SLC28A1: variants seen among roughly 807,000 people sequenced by gnomAD.
SLC28A1 encodes the protein solute carrier family 28 member 1.
Under a neutral mutation model 74.8 loss-of-function variants are expected in SLC28A1, and 64 were observed. The observed-to-expected ratio is 0.86, with a 90% CI of 0.70 to 1.05. The LOEUF (loss-of-function observed/expected upper bound fraction) is 1.05. SLC28A1 is among the 50% of genes least tolerant of loss of function. The pLI is 0.00. For missense variants in SLC28A1, 828 were observed against 822.8 expected (o/e 1.01, Z -0.08); for synonymous variants, 359 against 335.0 (o/e 1.07, Z -0.78).
chr15:84,909,317 A>G (rs2141827893), intron 9 of SLC28A1, among the ~76,000 whole-genome samples: 1 of 152,214 alleles, frequency 6.6e-6, no homozygotes, highest in African/African-American at 2.4e-5. Context: ...TCCTCAACCT[A>G]CGATCCCACT....
At chr15:84,899,650 T>A (rs1283401684) in intron 6 of SLC28A1, among the ~76,000 whole-genome samples, 2 of 152,076 alleles carry the variant, frequency 1.3e-5, no homozygotes, top group African/African-American at 4.8e-5. Flanking sequence ...ACCAGTGAAA[T>A]GTATTTCAAA....
At chr15:84,959,397 G>T in the SLC28A1 span, among the ~76,000 whole-genome samples, 1 of 152,006 alleles carries the variant, frequency 6.6e-6, no homozygotes, top group Non-Finnish European at 1.5e-5. Flanking sequence ...GAGCCACCAT[G>T]ACCAGTCAGG....
At chr15:84,886,993 G>A (rs532070742) in intron 2 of SLC28A1, among the ~76,000 whole-genome samples, 15 of 152,224 alleles carry the variant, frequency 9.9e-5, no homozygotes, top group Non-Finnish European at 2.1e-4. Context: ...GAGAGGAGGT[G>A]TTAGTTACCA....
chr15:84,955,001 T>C, the SLC28A1 span, among the ~76,000 whole-genome samples: 1 of 152,242 alleles, frequency 6.6e-6, no homozygotes, highest in South Asian at 2.1e-4. Flanking sequence ...CTCTTAGCAC[T>C]CTGACCCACC....
chr15:84,920,870 A>AGGGGTCCTACACTGGGCT, intron 10 of SLC28A1, 119 bp from the exon 11 acceptor site: 1 of 797,092 alleles, frequency 1.3e-6, no homozygotes, highest in East Asian at 2.4e-5. Context: ...ATGTAGATGA[A>AGGGGTCCTACACTGGGCT]GGGGTCCTAC....
the SLC28A1 span, among the ~76,000 whole-genome samples, chr15:84,963,094 G>T: frequency 2.6e-5 from 4 of 152,186 alleles, no homozygotes; most frequent in African/African-American, 9.7e-5. Context: ...ATGGGGGAGG[G>T]AGACTCAACG....
At chr15:84,915,929 CTGTTGT>C (rs71466061) in intron 9 of SLC28A1, among the ~76,000 whole-genome samples, 14 of 149,402 alleles carry the variant, frequency 9.4e-5, no homozygotes, top group South Asian at 4.4e-4. Flanking sequence ...CCACCTCAAC[CTGTTGT>C]TGTTGTTGTT....
rs1969420548 is a variant in SLC28A1 at position 84,918,594 on chromosome 15, T to C, written c.866T>C (p.Val289Ala). Residue 289 changes from valine to alanine, a missense_variant, in exon 10 of 19, where the codon GTG becomes GCG. This residue lies in a region of SLC28A1 where 767 missense variants were observed against 753.5 expected (regional missense o/e 1.02). Coordinates refer to ENST00000394573, the MANE Select transcript of SLC28A1 (RefSeq NM_004213.5). Reference protein sequence around the residue: ...VLYHVGLMQWVILKIAWLMQV... With the variant: ...VLYHVGLMQWAILKIAWLMQV... ...TACCACGTGGGCCTCATGCAGTGGGTGATCCTGAAGGTAAGTTCCCAGTGC... is the reference window on the plus strand; with the variant it reads ...TACCACGTGGGCCTCATGCAGTGGGCGATCCTGAAGGTAAGTTCCCAGTGC... 2 of 1,612,512 alleles carry C rather than the reference T, an allele frequency of 1.2e-6. No individual in the cohort carries two copies. The highest frequency in any genetic ancestry group is 2.2e-5 in the South Asian group (2 of 91,062).
At chr15:84,970,652 A>G in the SLC28A1 span, among the ~76,000 whole-genome samples, 1 of 151,934 alleles carries the variant, frequency 6.6e-6, no homozygotes, top group Non-Finnish European at 1.5e-5. Context: ...GCCTAGAGCA[A>G]CTCGAGCATG....
intron 12 of SLC28A1, 57 bp from the exon 13 acceptor site, chr15:84,933,088 T>C: frequency 6.2e-7 from 1 of 1,603,968 alleles, no homozygotes; most frequent in South Asian, 1.1e-5. Flanking sequence ...CCGCACTCCT[T>C]GGTCGCCAGC....
intron 3 of SLC28A1, 138 bp downstream of exon 3, chr15:84,887,994 AC>A: frequency 1.5e-6 from 1 of 683,652 alleles, no homozygotes; most frequent in Admixed American, 2.2e-5. Context: ...CTTTGCTGGC[AC>A]AGTTATGAAC....
In SLC28A1 at chr15:84,944,751, T is replaced by A. The variant is rs775026223; in HGVS notation, c.1763-5T>A. On this transcript the variant is annotated splice_region_variant and splice_polypyrimidine_tract_variant and intron_variant, in intron 17 of 18. Coordinates refer to ENST00000394573, the MANE Select transcript of SLC28A1 (RefSeq NM_004213.5). ...CCTGCCCCACCCACCACTTTCCCTC[T>A]ACAGGGATCCTCTACATGCCCAGGG... is the stretch of plus-strand genomic sequence containing the variant. The A allele has an allele frequency of 3.1e-6, 5 of 1,611,972 alleles. No homozygotes were observed. Among genetic ancestry groups the A allele is most frequent in the Non-Finnish European group, 3.4e-6 (4 of 1,178,224 alleles).
chr15:84,886,966 G>A (rs907236604), intron 2 of SLC28A1, among the ~76,000 whole-genome samples, 179 bp downstream of exon 2: 1 of 152,192 alleles, frequency 6.6e-6, no homozygotes, highest in Admixed American at 6.5e-5. Flanking sequence ...AAAAAGGAGC[G>A]GGAACAAGAG....
chr15:84,974,301 A>G, the SLC28A1 span, among the ~76,000 whole-genome samples: 7 of 152,274 alleles, frequency 4.6e-5, no homozygotes, highest in South Asian at 1.5e-3. Context: ...TTGGCTCCTC[A>G]GTTTCCCATA....
intron 5 of SLC28A1, among the ~76,000 whole-genome samples, chr15:84,894,349 G>A (rs1427304733): frequency 7.2e-6 from 1 of 139,104 alleles, no homozygotes; most frequent in Non-Finnish European, 1.5e-5. Context: ...TCCAGCCTGG[G>A]CAACAAAGTG....
chr15:84,917,833 G>A (rs1969328693), intron 9 of SLC28A1, among the ~76,000 whole-genome samples: 1 of 152,070 alleles, frequency 6.6e-6, no homozygotes, highest in South Asian at 2.1e-4. Context: ...GAAAGACTAG[G>A]GTGCAGAAAA....
intron 10 of SLC28A1, 129 bp downstream of exon 10, chr15:84,918,733 T>C: frequency 1.3e-6 from 1 of 775,234 alleles, no homozygotes; most frequent in South Asian, 1.4e-5. Flanking sequence ...GCCCACACCC[T>C]TCCAGAGTCC....
In SLC28A1 at chr15:84,887,766, G is replaced by C. The variant is rs1964768059; in HGVS notation, c.6G>C (p.Glu2Asp). The change falls in exon 3 of 19, where the codon GAG becomes GAC. Residue 2 changes from glutamate to aspartate, a missense_variant. By Grantham distance (45) the Glu-to-Asp change is conservative. This residue lies in a region of SLC28A1 where 767 missense variants were observed against 753.5 expected (regional missense o/e 1.02). Transcript: ENST00000394573. The stretch of plus-strand genomic sequence containing the variant: ...TCAGCTGGAAGGTCTGGGACATGGA[G>C]AACGACCCCTCGAGACGAAGAGAGT... M[E>D]NDPSRRRESI... 1.2e-6 allele frequency: 2 copies of C among 1,613,884 alleles called. No individual in the cohort carries two copies. Among genetic ancestry groups the C allele is most frequent in the South Asian group, 2.2e-5 (2 of 91,070 alleles).
chr15:84,961,423 C>T, the SLC28A1 span: 2 of 437,010 alleles, frequency 4.6e-6, no homozygotes, highest in Non-Finnish European at 9.1e-6. Flanking sequence ...CCTCAACCTC[C>T]TGGGCTCAAG....
Sources: allele counts gnomAD v4.1 joint callset (sites outside exome capture counted in the v4.1 genomes callset), GRCh38; gene constraint gnomAD v4.1.1; regional missense constraint gnomAD v4.1.1; transcripts MANE v1.5; gene names NCBI Gene and HGNC (gene_info 2026-07-23, HGNC 2026-07-21).